SCAPER: variants seen among roughly 807,000 people sequenced by gnomAD.
SCAPER encodes S-phase cyclin A associated protein in the ER, also known as S phase cyclin A-associated protein in the endoplasmic reticulum.
A neutral mutation model predicts 182.2 loss-of-function variants in SCAPER; 98 were observed. That is an observed-to-expected ratio of 0.54 (90% CI 0.46 to 0.64). The LOEUF is 0.64. Ranked by LOEUF, SCAPER falls within the 30% of genes least tolerant of loss-of-function variation. SCAPER has a pLI of 0.00. For synonymous variants in SCAPER, 605 were observed against 564.6 expected (o/e 1.07, Z -1.01); for missense variants, 1,432 against 1,690.0 (o/e 0.85, Z 2.68).
chr15:76,666,132 C>T (rs1480319918), intron 20 of SCAPER, among the ~76,000 whole-genome samples: 3 of 152,072 alleles, frequency 2.0e-5, no homozygotes, highest in African/African-American at 4.8e-5. Flanking sequence ...TTTAGAGTGC[C>T]GTTAAGAACC....
At chr15:76,464,007 C>CT (rs10630336) in intron 25 of SCAPER, among the ~76,000 whole-genome samples, 49,128 of 119,838 alleles carry the variant, frequency 0.41, 12,032 homozygotes, top group Middle Eastern at 0.55. Flanking sequence ...TTTCACTGGT[C>CT]TTTTTTTTTT....
At chr15:76,618,030 G>A (rs1158710310) in intron 22 of SCAPER, among the ~76,000 whole-genome samples, 1 of 152,102 alleles carries the variant, frequency 6.6e-6, no homozygotes, top group Non-Finnish European at 1.5e-5. Flanking sequence ...AGGCCAAGGC[G>A]GGTGGATCAC....
intron 22 of SCAPER, among the ~76,000 whole-genome samples, chr15:76,617,690 G>A (rs1867197): frequency 0.38 from 57,741 of 151,966 alleles, 13,037 homozygotes; most frequent in Middle Eastern, 0.52. Context: ...AAGTGAGGGC[G>A]AGAACAGAAA....
chr15:76,647,208 C>T (rs1306615223), intron 21 of SCAPER, among the ~76,000 whole-genome samples: 2 of 152,130 alleles, frequency 1.3e-5, no homozygotes, highest in African/African-American at 2.4e-5. Context: ...ATACACAGTA[C>T]TTTAGATGAT....
intron 22 of SCAPER, among the ~76,000 whole-genome samples, chr15:76,589,590 A>C (rs563150026): frequency 6.6e-6 from 1 of 152,228 alleles, no homozygotes; most frequent in South Asian, 2.1e-4. Context: ...TCAGCTGAGA[A>C]CATGCCCCAG....
intron 16 of SCAPER, among the ~76,000 whole-genome samples, chr15:76,729,761 C>T (rs1187626771): frequency 6.6e-6 from 1 of 152,076 alleles, no homozygotes; most frequent in Non-Finnish European, 1.5e-5. Flanking sequence ...ACCATAGGGC[C>T]TGGCATATAT....
intron 25 of SCAPER, among the ~76,000 whole-genome samples, chr15:76,442,066 T>C (rs1036287132): frequency 6.6e-6 from 1 of 152,130 alleles, no homozygotes; most frequent in African/African-American, 2.4e-5. Flanking sequence ...CATGTATATA[T>C]AGATATAGAT....
chr15:76,708,675 A>T (rs2059399355), intron 17 of SCAPER, among the ~76,000 whole-genome samples: 1 of 152,234 alleles, frequency 6.6e-6, no homozygotes, highest in African/African-American at 2.4e-5. Flanking sequence ...AAATGCAATG[A>T]AACCAAAGGT....
intron 5 of SCAPER, among the ~76,000 whole-genome samples, chr15:76,837,182 A>T (rs1166440039): frequency 1.3e-5 from 2 of 152,324 alleles, no homozygotes; most frequent in Non-Finnish European, 2.9e-5. Flanking sequence ...AAGGAATTTA[A>T]ATCAACAAGC....
intron 8 of SCAPER, among the ~76,000 whole-genome samples, chr15:76,785,413 C>T (rs1469749729): frequency 5.3e-5 from 8 of 152,170 alleles, no homozygotes. Context: ...AACAGGAATG[C>T]TTTTACACTG....
chr15:76,863,181 C>T (rs2072013927), intron 2 of SCAPER, among the ~76,000 whole-genome samples: 1 of 152,118 alleles, frequency 6.6e-6, no homozygotes, highest in African/African-American at 2.4e-5. Flanking sequence ...GAGCCAGGTC[C>T]AGTAAAATAA....
intron 30 of SCAPER, among the ~76,000 whole-genome samples, chr15:76,352,560 C>A (rs1288681448): frequency 6.6e-6 from 1 of 150,504 alleles, no homozygotes; most frequent in Non-Finnish European, 1.5e-5. Context: ...TGGCTCACTG[C>A]AACCTCTGCC....
At position 76,526,636 on chromosome 15, in the gene SCAPER, T is replaced by G. The variant is rs1391548801; in HGVS notation, c.2839-21662A>C. ...GCTATTTTTAAGATATAGTCCTTAA[T>G]ATTAATACTATGACCCAAGCTATTA... On this transcript the variant is annotated intron_variant, in intron 23 of 31. Coordinates refer to ENST00000563290, the MANE Select transcript of SCAPER (RefSeq NM_020843.4). 2.0e-5 allele frequency among the ~76,000 whole-genome samples: 3 copies of G among 152,164 alleles called. No individual in the cohort carries two copies. The East Asian group carries it at 5.8e-4, about 29-fold the overall frequency.
intron 25 of SCAPER, among the ~76,000 whole-genome samples, chr15:76,454,216 T>A (rs1231410776): frequency 6.6e-6 from 1 of 152,144 alleles, no homozygotes; most frequent in Non-Finnish European, 1.5e-5. Flanking sequence ...ATCCTTCAGG[T>A]CTCAGTTTAG....
intron 8 of SCAPER, among the ~76,000 whole-genome samples, chr15:76,787,851 A>C (rs1195944028): frequency 1.3e-5 from 2 of 152,232 alleles, no homozygotes; most frequent in African/African-American, 4.8e-5. Context: ...ATTAAAAAAA[A>C]ACTAATCAAT....
At chr15:76,866,776 T>G (rs962467204) in intron 2 of SCAPER, among the ~76,000 whole-genome samples, 4 of 152,192 alleles carry the variant, frequency 2.6e-5, no homozygotes, top group Non-Finnish European at 4.4e-5. Flanking sequence ...GTATCAGGGT[T>G]TGAAATGCAA....
At chr15:76,898,115 C>G (rs1595953638) in intron 1 of SCAPER, among the ~76,000 whole-genome samples, 1 of 152,074 alleles carries the variant, frequency 6.6e-6, no homozygotes, top group South Asian at 2.1e-4. Flanking sequence ...CTCATTTCTC[C>G]AAAAAATGTA....
At chr15:76,671,165 C>T (rs568027307) in intron 20 of SCAPER, among the ~76,000 whole-genome samples, 3 of 151,854 alleles carry the variant, frequency 2.0e-5, no homozygotes, top group Admixed American at 6.5e-5. Context: ...CATGGAAAAA[C>T]CCCATCTTCA....
At chr15:76,824,333 G>A (rs995596005) in intron 5 of SCAPER, among the ~76,000 whole-genome samples, 8 of 152,180 alleles carry the variant, frequency 5.3e-5, no homozygotes, top group East Asian at 1.9e-4. Context: ...AGTTACTGGC[G>A]CACAGAGCAG....
Sources: allele counts gnomAD v4.1 joint callset (sites outside exome capture counted in the v4.1 genomes callset), GRCh38; gene constraint gnomAD v4.1.1; transcripts MANE v1.5; gene names NCBI Gene and HGNC (gene_info 2026-07-23, HGNC 2026-07-21).